The following NR2C2 variants were observed in gnomAD, a reference collection of about 807,000 sequenced individuals.
The protein encoded by NR2C2 is Nuclear hormone receptor TR4.
NR2C2 carries 6 observed loss-of-function variants against 62.9 expected under a neutral mutation model. The ratio of observed to expected loss-of-function variants is 0.10; its 90% confidence interval spans 0.05 to 0.19. The LOEUF (loss-of-function observed/expected upper bound fraction) is 0.19, where lower values mean the gene tolerates loss of function less well. NR2C2 is among the 10% of genes least tolerant of loss of function. The pLI is 1.00. For synonymous variants in NR2C2, 272 were observed against 273.8 expected (o/e 0.99, Z 0.07); for missense variants, 479 against 762.7 (o/e 0.63, Z 4.38).
chr3:14,959,987 A>G (rs988412258), intron 1 of NR2C2, among the ~76,000 whole-genome samples: 1 of 152,240 alleles, frequency 6.6e-6, no homozygotes, highest in Non-Finnish European at 1.5e-5. Context: ...AAAATGGTAA[A>G]TGGATTATCT....
chr3:14,950,567 G>C (rs186488688), intron 1 of NR2C2, among the ~76,000 whole-genome samples: 2 of 117,632 alleles, frequency 1.7e-5, no homozygotes, highest in African/African-American at 6.6e-5. Flanking sequence ...ATTGGCTCAA[G>C]CATCACTTCT....
intron 1 of NR2C2, among the ~76,000 whole-genome samples, chr3:14,950,352 T>C (rs1213032089): frequency 6.6e-6 from 1 of 152,242 alleles, no homozygotes; most frequent in Non-Finnish European, 1.5e-5. Context: ...TTACAGGCAG[T>C]ATGTTGTTCA....
chr3:15,006,263 A>G (rs1346410663), intron 2 of NR2C2, among the ~76,000 whole-genome samples: 3 of 152,174 alleles, frequency 2.0e-5, no homozygotes, highest in Non-Finnish European at 4.4e-5. Flanking sequence ...TACTTAAGTA[A>G]AAGATTTATT....
At chr3:14,981,887 C>A (rs1292877119) in intron 1 of NR2C2, among the ~76,000 whole-genome samples, 1 of 152,238 alleles carries the variant, frequency 6.6e-6, no homozygotes, top group Non-Finnish European at 1.5e-5. Flanking sequence ...AAGACATAGG[C>A]AGTCTAGTCC....
At chr3:14,956,570 T>TTTA (rs2039531050) in intron 1 of NR2C2, among the ~76,000 whole-genome samples, 1 of 151,914 alleles carries the variant, frequency 6.6e-6, no homozygotes, top group African/African-American at 2.4e-5. Flanking sequence ...GAGACAAGAG[T>TTTA]TTTACTTTTG....
intron 7 of NR2C2, among the ~76,000 whole-genome samples, chr3:15,024,557 A>G (rs1217580934): frequency 6.6e-6 from 1 of 152,220 alleles, no homozygotes; most frequent in Non-Finnish European, 1.5e-5. Flanking sequence ...CCTTTTTGCA[A>G]AAGCCCCGGG....
intron 1 of NR2C2, among the ~76,000 whole-genome samples, chr3:14,960,248 G>C (rs898808632): frequency 6.6e-6 from 1 of 152,164 alleles, no homozygotes; most frequent in Non-Finnish European, 1.5e-5. Flanking sequence ...AAAGTAAACA[G>C]ATGAACCACA....
intron 13 of NR2C2, among the ~76,000 whole-genome samples, chr3:15,042,009 C>T (rs955243916): frequency 6.6e-6 from 1 of 152,166 alleles, no homozygotes; most frequent in South Asian, 2.1e-4. Flanking sequence ...ACAATACGTA[C>T]TCTTCTTCAT....
At chr3:15,027,779 G>C (rs140770134) in intron 7 of NR2C2, among the ~76,000 whole-genome samples, 11 of 151,640 alleles carry the variant, frequency 7.3e-5, no homozygotes, top group Non-Finnish European at 1.5e-4. Context: ...TTTACTTTTT[G>C]TAGAGACAGG....
intron 1 of NR2C2, among the ~76,000 whole-genome samples, chr3:14,970,705 A>G (rs2040011100): frequency 6.6e-6 from 1 of 152,166 alleles, no homozygotes; most frequent in African/African-American, 2.4e-5. Flanking sequence ...TATTCTACTT[A>G]TGTATCACAT....
At chr3:14,977,888 C>G (rs1361754350) in intron 1 of NR2C2, among the ~76,000 whole-genome samples, 1 of 150,434 alleles carries the variant, frequency 6.6e-6, no homozygotes, top group Non-Finnish European at 1.5e-5. Context: ...TTGCTTGAAC[C>G]CGGGAGGCTG....
chr3:14,953,992 A>G (rs2039448678), intron 1 of NR2C2, among the ~76,000 whole-genome samples: 1 of 151,682 alleles, frequency 6.6e-6, no homozygotes, highest in South Asian at 2.1e-4. Flanking sequence ...TATTTGTTGT[A>G]TAGTGAATCT....
intron 1 of NR2C2, among the ~76,000 whole-genome samples, chr3:14,978,001 A>G (rs776470183): frequency 6.6e-6 from 1 of 151,960 alleles, no homozygotes; most frequent in Non-Finnish European, 1.5e-5. Flanking sequence ...GCTCAGCTGC[A>G]GGGAAATATG....
At chr3:15,009,336 G>A (rs913673819) in intron 2 of NR2C2, among the ~76,000 whole-genome samples, 3 of 152,112 alleles carry the variant, frequency 2.0e-5, no homozygotes, top group Non-Finnish European at 4.4e-5. Flanking sequence ...GTGGACATGG[G>A]GTGACCTGAA....
intron 10 of NR2C2, among the ~76,000 whole-genome samples, chr3:15,033,923 G>A (rs2042042351): frequency 6.6e-6 from 1 of 152,096 alleles, no homozygotes; most frequent in South Asian, 2.1e-4. Flanking sequence ...ATGTGCATCT[G>A]GGGCATTTGG....
intron 1 of NR2C2, among the ~76,000 whole-genome samples, chr3:14,975,979 G>A (rs2040192861): frequency 6.6e-6 from 1 of 151,716 alleles, no homozygotes; most frequent in Admixed American, 6.6e-5. Context: ...TCGCCATGTT[G>A]CCCGGGCTGA....
chr3:15,001,238 G>A (rs2040986014), intron 1 of NR2C2, among the ~76,000 whole-genome samples: 5 of 150,830 alleles, frequency 3.3e-5, no homozygotes, highest in Admixed American at 3.3e-4. Flanking sequence ...TGGTCAGTGG[G>A]ATTGCTTCCT....
At chr3:14,949,649 A>G (rs992349656) in intron 1 of NR2C2, among the ~76,000 whole-genome samples, 12 of 152,152 alleles carry the variant, frequency 7.9e-5, no homozygotes, top group African/African-American at 2.9e-4. Flanking sequence ...TCTTATATAC[A>G]TTTTCAGTTC....
At chr3:14,952,817 G>A (rs1441591194) in intron 1 of NR2C2, among the ~76,000 whole-genome samples, 3 of 152,198 alleles carry the variant, frequency 2.0e-5, no homozygotes, top group African/African-American at 7.2e-5. Flanking sequence ...CGAGGTAGCA[G>A]TCCTACTCCC....
Sources: gnomAD v4.1 joint callset for allele counts (sites outside exome capture counted in the v4.1 genomes callset) on GRCh38, gnomAD v4.1.1 for gene constraint, MANE v1.5 for transcripts, NCBI Gene and HGNC (gene_info 2026-07-23, HGNC 2026-07-21) for gene names.